SLC14A2: variants seen among roughly 807,000 people sequenced by gnomAD.
The protein encoded by SLC14A2 is urea transporter 2.
In SLC14A2, 91 loss-of-function variants were observed where a neutral mutation model predicts 104.6. That is an observed-to-expected ratio of 0.87 (90% confidence interval 0.73 to 1.04). The LOEUF (loss-of-function observed/expected upper bound fraction) is 1.04, where lower values mean the gene tolerates loss of function less well. Among genes scored for constraint, SLC14A2 ranks in the 50% least tolerant of loss-of-function variants. The pLI, the probability that SLC14A2 is intolerant of heterozygous loss-of-function variation, is 0.00. For missense variants in SLC14A2, 1,189 were observed against 1,156.0 expected, an observed-to-expected ratio of 1.03 and a Z score of -0.41; for synonymous variants, 476 against 466.4, an observed-to-expected ratio of 1.02 and a Z score of -0.27.
chr18:45,277,931 C>A (rs1157215353), intron 1 of SLC14A2, among the ~76,000 whole-genome samples: 2 of 152,168 alleles, frequency 1.3e-5, no homozygotes, highest in African/African-American at 4.8e-5. Context: ...GGATTTCTCC[C>A]AGTAAGTACA....
intron 2 of SLC14A2, among the ~76,000 whole-genome samples, chr18:45,585,762 G>A (rs981276546): frequency 1.3e-5 from 2 of 152,078 alleles, no homozygotes; most frequent in Non-Finnish European, 2.9e-5. Flanking sequence ...AGATACCCCA[G>A]TACCCACCTG....
chr18:45,236,580 TATATATATGGGAAAAA>T (rs2084256144), intron 1 of SLC14A2, among the ~76,000 whole-genome samples: 2 of 112,156 alleles, frequency 1.8e-5, no homozygotes, highest in Admixed American at 9.4e-5. Context: ...TATATATACA[TATATATATGGGAAAAA>T]GTATATATTC....
chr18:45,381,892 T>G (rs2085839866), intron 1 of SLC14A2, among the ~76,000 whole-genome samples: 1 of 151,924 alleles, frequency 6.6e-6, no homozygotes, highest in East Asian at 1.9e-4. Flanking sequence ...TTACATGCAG[T>G]CCAGTGGTAG....
chr18:45,324,947 C>G (rs963102798), intron 1 of SLC14A2, among the ~76,000 whole-genome samples: 1 of 152,084 alleles, frequency 6.6e-6, no homozygotes, highest in Non-Finnish European at 1.5e-5. Context: ...ACCTGCGGTG[C>G]GTTTTTCACT....
At chr18:45,387,190 C>T (rs1234829487) in intron 1 of SLC14A2, among the ~76,000 whole-genome samples, 5 of 152,178 alleles carry the variant, frequency 3.3e-5, no homozygotes, top group Non-Finnish European at 7.3e-5. Flanking sequence ...CCATGTATGG[C>T]CATCTCTTTT....
chr18:45,192,044 C>T, the SLC14A2 span, among the ~76,000 whole-genome samples: 1 of 152,122 alleles, frequency 6.6e-6, no homozygotes, highest in Non-Finnish European at 1.5e-5. Context: ...TGAGAATATC[C>T]ATATGCTATG....
chr18:45,380,741 T>C (rs1186362079), intron 1 of SLC14A2, among the ~76,000 whole-genome samples: 1 of 152,214 alleles, frequency 6.6e-6, no homozygotes, highest in Non-Finnish European at 1.5e-5. Flanking sequence ...TGAGATTGTT[T>C]ATGTCCAATA....
At chr18:45,192,652 G>GTTTTGTTTTGTTTTT in the SLC14A2 span, among the ~76,000 whole-genome samples, 1 of 147,024 alleles carries the variant, frequency 6.8e-6, no homozygotes, top group South Asian at 2.1e-4. Context: ...TTTTTGTTTT[G>GTTTTGTTTTGTTTTT]TTTTGTTTTG....
At chr18:45,423,146 G>A (rs574418283) in intron 1 of SLC14A2, among the ~76,000 whole-genome samples, 11 of 152,216 alleles carry the variant, frequency 7.2e-5, no homozygotes, top group Admixed American at 3.3e-4. Context: ...GAATGAAGAC[G>A]GTTTCAAATA....
chr18:45,395,883 A>G (rs2086024454), intron 1 of SLC14A2, among the ~76,000 whole-genome samples: 1 of 152,050 alleles, frequency 6.6e-6, no homozygotes, highest in Admixed American at 6.6e-5. Flanking sequence ...CCATATAAAC[A>G]CTGGTTTGTT....
chr18:45,202,745 C>T, the SLC14A2 span, among the ~76,000 whole-genome samples: 2 of 152,098 alleles, frequency 1.3e-5, no homozygotes, highest in African/African-American at 2.4e-5. Flanking sequence ...GCCTCTCCCA[C>T]CTGAGTTTCA....
chr18:45,359,863 C>G (rs1276900912), intron 1 of SLC14A2, among the ~76,000 whole-genome samples: 1 of 152,224 alleles, frequency 6.6e-6, no homozygotes, highest in Admixed American at 6.5e-5. Context: ...AGGGGCTCAG[C>G]TTTCTGGACA....
chr18:45,249,642 A>G (rs1179922080), intron 1 of SLC14A2, among the ~76,000 whole-genome samples: 1 of 152,176 alleles, frequency 6.6e-6, no homozygotes. Flanking sequence ...AATGAATGGT[A>G]TAATTCCTTT....
At chr18:45,433,393 T>A (rs144068369) in intron 1 of SLC14A2, among the ~76,000 whole-genome samples, 3 of 152,362 alleles carry the variant, frequency 2.0e-5, no homozygotes, top group African/African-American at 7.2e-5. Flanking sequence ...TTCCTAGGCC[T>A]TCTTCTATGA....
intron 10 of SLC14A2, among the ~76,000 whole-genome samples, chr18:45,661,422 C>G (rs142884948): frequency 6.6e-6 from 1 of 152,216 alleles, no homozygotes; most frequent in Non-Finnish European, 1.5e-5. Context: ...AAAAGGAAAA[C>G]TCCTTTCTTG....
At chr18:45,632,546 C>T (rs930757916) in intron 5 of SLC14A2, 68 bp downstream of exon 5, 3 of 1,553,144 alleles carry the variant, frequency 1.9e-6, no homozygotes, top group Middle Eastern at 1.8e-4. Context: ...CTTATACTGG[C>T]CAGAGACAGG....
At chr18:45,565,218 G>A (rs996044418) in intron 2 of SLC14A2, among the ~76,000 whole-genome samples, 7 of 151,444 alleles carry the variant, frequency 4.6e-5, no homozygotes, top group African/African-American at 7.3e-5. Context: ...TCCGCCTCCC[G>A]GGTTCACACC....
At chr18:45,298,977 T>TA (rs57643121) in intron 1 of SLC14A2, among the ~76,000 whole-genome samples, 167 of 146,702 alleles carry the variant, frequency 1.1e-3, no homozygotes, top group East Asian at 2.4e-3. Flanking sequence ...ATTTAACTGT[T>TA]AAAAAAAAAA....
intron 1 of SLC14A2, among the ~76,000 whole-genome samples, chr18:45,233,829 G>C (rs964529918): frequency 1.3e-4 from 19 of 141,026 alleles, no homozygotes; most frequent in Non-Finnish European, 2.4e-4. Context: ...CAGTGGTCAT[G>C]GGTCCTTTAT....
Sources: gnomAD v4.1 joint callset for allele counts (sites outside exome capture counted in the v4.1 genomes callset) on GRCh38, gnomAD v4.1.1 for gene constraint, MANE v1.5 for transcripts, NCBI Gene and HGNC (gene_info 2026-07-23, HGNC 2026-07-21) for gene names.